The following PADI2 variants were observed in gnomAD, a reference collection of about 807,000 sequenced individuals.
PADI2 encodes the protein protein-arginine deiminase type-2.
PADI2 carries 70 observed loss-of-function variants against 81.1 expected under a neutral mutation model. That is an observed-to-expected ratio of 0.86 (90% CI 0.71 to 1.05). PADI2 has a LOEUF of 1.05. Ranked by LOEUF, PADI2 falls within the 50% of genes least tolerant of loss-of-function variation. PADI2 has a pLI of 0.00. For synonymous variants in PADI2, 338 were observed against 358.0 expected, an observed-to-expected ratio of 0.94 and a Z score of 0.63; for missense variants, 853 against 889.9, an observed-to-expected ratio of 0.96 and a Z score of 0.53.
At chr1:17,105,439 A>T (rs1213870656) in intron 1 of PADI2, among the ~76,000 whole-genome samples, 1 of 151,788 alleles carries the variant, frequency 6.6e-6, no homozygotes, top group Non-Finnish European at 1.5e-5. Context: ...CTTGTTGCCC[A>T]GGCTGGAGTG....
At chr1:17,087,815 C>T (rs1353022377) in intron 6 of PADI2, among the ~76,000 whole-genome samples, 2 of 152,112 alleles carry the variant, frequency 1.3e-5, no homozygotes, top group East Asian at 1.9e-4. Context: ...CTCATCACAG[C>T]CTTTTTAAAT....
Position 17,093,607 on chromosome 1 carries a change from G to C in PADI2, c.489C>G (p.Pro163=). 1 of 1,613,952 alleles carries C rather than the reference G, an allele frequency of 6.2e-7. No individual in the cohort carries two copies. Among genetic ancestry groups the C allele is most frequent in the Non-Finnish European group, 8.5e-7 (1 of 1,179,866 alleles). ...CCTTCTCATCACGGCAGTCCTCCTTGGGCAACCAGGGTGTCTCTCGGTCAC... is the reference window on the plus strand; with the variant it reads ...CCTTCTCATCACGGCAGTCCTCCTTCGGCAACCAGGGTGTCTCTCGGTCAC... The part of the protein sequence containing the change: ...VNCDRETPWL[P]KEDCRDEKVY... Residue 163 remains proline, a synonymous_variant, in exon 5 of 16, where the codon CCC becomes CCG. Coordinates refer to ENST00000375486, the MANE Select transcript of PADI2 (RefSeq NM_007365.3).
chr1:17,096,796 C>T (rs1930947580), intron 3 of PADI2, among the ~76,000 whole-genome samples: 1 of 152,190 alleles, frequency 6.6e-6, no homozygotes, highest in Admixed American at 6.5e-5. Flanking sequence ...TCTCTGAGCC[C>T]CAGTTTCCTC....
chr1:17,096,259 G>T (rs969007938), intron 3 of PADI2, among the ~76,000 whole-genome samples: 1 of 152,232 alleles, frequency 6.6e-6, no homozygotes, highest in Non-Finnish European at 1.5e-5. Flanking sequence ...GTTGGGGAAT[G>T]ATCCTCGCTG....
At chr1:17,088,879 C>T (rs1930562035) in intron 6 of PADI2, among the ~76,000 whole-genome samples, 1 of 132,618 alleles carries the variant, frequency 7.5e-6, no homozygotes, top group Non-Finnish European at 1.5e-5. Context: ...TGCACTCCAG[C>T]CTGGGCGACA....
rs1303352377 is a variant in PADI2, at chr1:17,089,824, C to T, written c.655+2584G>A. Among the ~76,000 whole-genome samples the T allele has an allele frequency of 2.6e-5, 4 of 152,182 alleles. No individual in the cohort carries two copies. The East Asian group carries it at 7.7e-4, about 29-fold the overall frequency. On this transcript the variant is annotated intron_variant, in intron 6 of 15. Coordinates refer to ENST00000375486, the MANE Select transcript of PADI2 (RefSeq NM_007365.3). The stretch of plus-strand genomic sequence containing the variant: ...TGGTCCTCGTGCCTTGGGCTGGGCC[C>T]ACTGACCACCGTGACCTCTCTGCCC...
chr1:17,082,778 TCCCCCATCCTCCTCCCCTC>T (rs759701659), intron 9 of PADI2, 126 bp from the exon 10 acceptor site: 7 of 610,066 alleles, frequency 1.1e-5, no homozygotes, highest in Non-Finnish European at 2.0e-5. Context: ...CATTCCCTGG[TCCCCCATCCTCCTCCCCTC>T]ACACTGATGA....
Position 17,112,904 on chromosome 1 carries a change from T to C in PADI2, c.92+6376A>G, listed in dbSNP as rs1042434020. Among the ~76,000 whole-genome samples the C allele has an allele frequency of 5.9e-5, 9 of 152,230 alleles. No homozygotes were observed. The East Asian group carries it at 1.7e-3, about 29-fold the overall frequency. On this transcript the variant is annotated intron_variant, in intron 1 of 15. Transcript: ENST00000375486. ...AGAGCTCATTGACCCTCCAGCCTTA[T>C]ACTCCAGGCCTCTGAAGCTGTGCCC...
At chr1:17,071,794 T>G (rs890602740) in intron 13 of PADI2, among the ~76,000 whole-genome samples, 2 of 152,310 alleles carry the variant, frequency 1.3e-5, no homozygotes, top group South Asian at 2.1e-4. Context: ...AGCCCCCTGG[T>G]TCTCCCACCT....
chr1:17,108,318 C>T (rs1931458750), intron 1 of PADI2, among the ~76,000 whole-genome samples: 1 of 152,054 alleles, frequency 6.6e-6, no homozygotes, highest in Non-Finnish European at 1.5e-5. Flanking sequence ...TGCAGAGGAC[C>T]TGGGTTTGAG....
chr1:17,075,765 G>A lies in PADI2; in HGVS notation c.1369C>T (p.Gln457Ter). The stretch of plus-strand genomic sequence containing the variant: ...TCTGAGTAGAGCTCCACGGGCGCCT[G>A]CACCTGCTGGGCCTTCAGGAAGTCA... Reference protein sequence around the residue: ...VRDFLKAQQVQAPVELYSDWL... With the variant: ...VRDFLKAQQV Residue 457 changes from glutamine (Q) to a stop codon, truncating the protein, a stop_gained, in exon 12 of 16, where the codon CAG becomes TAG. Transcript: ENST00000375486. LOFTEE classifies it high-confidence loss of function. The A allele has an allele frequency of 1.2e-6, 2 of 1,613,940 alleles. No homozygotes were observed. Among genetic ancestry groups the A allele is most frequent in the Non-Finnish European group, 1.7e-6 (2 of 1,179,816 alleles).
Position 17,079,610 on chromosome 1 carries a change from T to C in PADI2, c.1159-195A>G, listed in dbSNP as rs1290888118. ...GAGGCTGAGTGTGTGAGCATCTCGG[T>C]GTAGTGTGAGAGTGCGAGTGAGAGT... On this transcript the variant is annotated intron_variant, in intron 10 of 15. Transcript: ENST00000375486. Among the ~76,000 whole-genome samples, 51 of 151,508 alleles carry C rather than the reference T, an allele frequency of 3.4e-4. 1 individual carries two copies. Among genetic ancestry groups the C allele is most frequent in the Admixed American group, 3.3e-3 (50 of 15,178 alleles).
chr1:17,097,405 C>T (rs1473708505), intron 3 of PADI2, among the ~76,000 whole-genome samples: 1 of 152,210 alleles, frequency 6.6e-6, no homozygotes, highest in Non-Finnish European at 1.5e-5. Context: ...AAGGAGGCTG[C>T]AAGGGCGCCT....
At chr1:17,092,640 T>C (rs1029814305) in intron 5 of PADI2, 107 bp from the exon 6 acceptor site, 28 of 1,015,756 alleles carry the variant, frequency 2.8e-5, no homozygotes, top group Non-Finnish European at 3.7e-5. Context: ...GGATGTGTAT[T>C]ATGGAAACTA....
chr1:17,108,035 G>T (rs1465833511), intron 1 of PADI2, among the ~76,000 whole-genome samples: 1 of 149,642 alleles, frequency 6.7e-6, no homozygotes, highest in Admixed American at 6.7e-5. Context: ...TGCAAACTCT[G>T]TCTCCTTGGT....
chr1:17,070,589 G>A (rs909468822), intron 14 of PADI2, among the ~76,000 whole-genome samples: 2 of 152,236 alleles, frequency 1.3e-5, no homozygotes, highest in Non-Finnish European at 2.9e-5. Flanking sequence ...CATGTGCTTA[G>A]TACTGTTCTA....
At chr1:17,094,640 C>T (rs1319172550) in intron 4 of PADI2, among the ~76,000 whole-genome samples, 2 of 152,194 alleles carry the variant, frequency 1.3e-5, no homozygotes, top group Admixed American at 6.5e-5. Flanking sequence ...CTTTCTGTGT[C>T]CCCTGGGCCT....
At chr1:17,092,661 T>C in intron 5 of PADI2, 128 bp from the exon 6 acceptor site, 1 of 834,510 alleles carries the variant, frequency 1.2e-6, no homozygotes, top group Non-Finnish European at 1.8e-6. Context: ...TAGAAAAGCA[T>C]AAAGAGGCTG....
chr1:17,119,212 A>C lies in PADI2; in HGVS notation c.92+68T>G, dbSNP rs1931857823. On this transcript the variant is annotated intron_variant, in intron 1 of 15. Coordinates refer to ENST00000375486, the MANE Select transcript of PADI2 (RefSeq NM_007365.3). The surrounding 1 kb of genome is among the most constrained non-coding windows in gnomAD (Gnocchi z 4.8). ...TGGACAAAGGCTGTCCACGTCCCCG[A>C]GTCTGAGCGCGTCTCAGGATTTCTG... is the stretch of plus-strand genomic sequence containing the variant. 5.3e-6 allele frequency: 6 copies of C among 1,139,316 alleles called. No homozygotes were observed. Among genetic ancestry groups the C allele is most frequent in the Middle Eastern group, 3.9e-4 (2 of 5,108 alleles). The allele number at this position is 1,139,316 out of a possible 1,614,324, so 70.6% of individuals were successfully genotyped here.
Sources: gnomAD v4.1 joint callset for allele counts (sites outside exome capture counted in the v4.1 genomes callset) on GRCh38, gnomAD v4.1.1 for gene constraint, Gnocchi (gnomAD v3.1) non-coding constraint, MANE v1.5 for transcripts, NCBI Gene and HGNC (gene_info 2026-07-23, HGNC 2026-07-21) for gene names.